Variants in DSCAM observed in about 807,000 individuals in gnomAD.
DSCAM encodes DS cell adhesion molecule.
A neutral mutation model predicts 217.7 loss-of-function variants in DSCAM; 47 were observed. That is an observed-to-expected ratio of 0.22 (90% CI 0.17 to 0.28). The LOEUF (loss-of-function observed/expected upper bound fraction) is 0.28. Ranked by LOEUF, DSCAM falls within the 10% of genes least tolerant of loss-of-function variation. The pLI is 1.00. For missense variants in DSCAM, 2,080 were observed against 2,618.3 expected, an observed-to-expected ratio of 0.79 and a Z score of 4.49; for synonymous variants, 1,056 against 1,015.3, an observed-to-expected ratio of 1.04 and a Z score of -0.76.
At chr21:40,673,951 G>A (rs144451060) in intron 3 of DSCAM, among the ~76,000 whole-genome samples, 12 of 152,164 alleles carry the variant, frequency 7.9e-5, no homozygotes, top group Admixed American at 2.0e-4. Context: ...AGCAATGTGA[G>A]AATGGACTAA....
chr21:40,559,777 ATTTTCTGTCTTTT>A (rs1456814555), intron 3 of DSCAM, among the ~76,000 whole-genome samples: 2 of 140,394 alleles, frequency 1.4e-5, no homozygotes, highest in East Asian at 2.4e-4. Context: ...TGCTTTTAAA[ATTTTCTGTCTTTT>A]TTTTTTTTTT....
chr21:40,685,480 G>A (rs933707109), intron 3 of DSCAM, among the ~76,000 whole-genome samples: 3 of 152,098 alleles, frequency 2.0e-5, no homozygotes, highest in African/African-American at 7.2e-5. Flanking sequence ...GGAAACCTTG[G>A]CCACTGAGTC....
intron 25 of DSCAM, 56 bp from the exon 26 acceptor site, chr21:40,079,033 C>T: frequency 6.4e-7 from 1 of 1,567,442 alleles, no homozygotes; most frequent in South Asian, 1.2e-5. Context: ...AGGCCATCAG[C>T]ATCTTCACGC....
At position 40,353,579 on chromosome 21, in the gene DSCAM, T is replaced by C; in HGVS notation, c.820A>G (p.Thr274Ala). 1 of 1,610,644 alleles carries C rather than the reference T, an allele frequency of 6.2e-7. No individual in the cohort carries two copies. Residue 274 changes from threonine (T) to alanine (A), a missense_variant, in exon 5 of 33, where the codon ACC becomes GCC. Physicochemically the swap from Thr to Ala is moderately conservative, Grantham distance 58. Coordinates refer to ENST00000400454, the MANE Select transcript of DSCAM (RefSeq NM_001389.5). ...PLELSGRFQK[T>A]VTGLLIENIR... ...TTCTCAATGAGCAGCCCCGTCACGGTCTTCTGGAACCTCCCTGAAAGTTCC... is the reference window on the plus strand; with the variant it reads ...TTCTCAATGAGCAGCCCCGTCACGGCCTTCTGGAACCTCCCTGAAAGTTCC...
chr21:40,057,552 C>T (rs774935539), intron 28 of DSCAM, among the ~76,000 whole-genome samples: 17 of 152,236 alleles, frequency 1.1e-4, no homozygotes, highest in Admixed American at 4.6e-4. Flanking sequence ...AGGCAGTCAG[C>T]GGCTGCTCTA....
In DSCAM at chr21:40,167,225, G is replaced by A. The variant is rs753110439; in HGVS notation, c.3011C>T (p.Thr1004Ile). The part of the protein sequence containing the change: ...EPISSQSIRV[T>I]WKAPKKHLQN... The stretch of plus-strand genomic sequence containing the variant: ...AATGTTTGCTGAGTTTACCTTCCAT[G>A]TGACCCTGATGCTCTGAGATGATAT... The change falls in exon 16 of 33, where the codon ACA becomes ATA. Residue 1004 changes from threonine to isoleucine, a missense_variant. By Grantham distance (89) the Thr-to-Ile change is moderately conservative. Around this residue, in one of 5 missense-constraint regions of DSCAM, gnomAD observed 1,144 missense variants for 1,421.1 expected, o/e 0.81. Transcript: ENST00000400454. 1 of 1,614,040 alleles carries A rather than the reference G, an allele frequency of 6.2e-7. No homozygotes were observed. Among genetic ancestry groups the A allele is most frequent in the Non-Finnish European group, 8.5e-7 (1 of 1,179,968 alleles).
rs550082071 is a variant in DSCAM, at chr21:40,364,501, G to T, written c.655+4598C>A. Among the ~76,000 whole-genome samples the T allele has an allele frequency of 1.2e-3, 169 of 146,534 alleles. 2 individuals carry two copies. Among genetic ancestry groups the T allele is most frequent in the Non-Finnish European group, 2.1e-3 (140 of 66,794 alleles). ...AATGAGAACACATGGACACAGGAAG[G>T]GGAACATCACACACCGGGGCCTGTT... On this transcript the variant is annotated intron_variant, in intron 4 of 32. Coordinates refer to ENST00000400454, the MANE Select transcript of DSCAM (RefSeq NM_001389.5).
intron 1 of DSCAM, among the ~76,000 whole-genome samples, chr21:40,716,509 A>G: frequency 6.6e-6 from 1 of 152,188 alleles, no homozygotes; most frequent in East Asian, 1.9e-4. Flanking sequence ...ACACTAAGGG[A>G]GCTAATGGGA....
At chr21:40,775,464 C>T (rs890721669) in intron 1 of DSCAM, among the ~76,000 whole-genome samples, 2 of 152,132 alleles carry the variant, frequency 1.3e-5, no homozygotes, top group Admixed American at 1.3e-4. Context: ...GAAGATTTGC[C>T]TTCCATGTTG....
rs2090329594 is a variant in DSCAM, at chr21:40,144,394, G to A, written c.3259+97C>T. 4 of 1,547,996 alleles carry A rather than the reference G, an allele frequency of 2.6e-6. No homozygotes were observed. The highest frequency in any genetic ancestry group is 2.3e-5 in the East Asian group (1 of 44,260). ...AGGCCCTGCAGGTCACTGCAAAGTCGTGGGGCGGGGGAGTGCGAGGTTGGG... is the reference window on the plus strand; with the variant it reads ...AGGCCCTGCAGGTCACTGCAAAGTCATGGGGCGGGGGAGTGCGAGGTTGGG... On this transcript the variant is annotated intron_variant, in intron 17 of 32. Coordinates refer to ENST00000400454, the MANE Select transcript of DSCAM (RefSeq NM_001389.5). The surrounding 1 kb of genome is among the most constrained non-coding windows in gnomAD (Gnocchi z 4.8).
At chr21:40,693,273 A>C (rs1016913391) in intron 2 of DSCAM, among the ~76,000 whole-genome samples, 3 of 152,050 alleles carry the variant, frequency 2.0e-5, no homozygotes, top group African/African-American at 7.2e-5. Context: ...CATCTCTACT[A>C]AAAATACAAA....
chr21:40,093,132 T>C (rs1019958814), intron 21 of DSCAM, among the ~76,000 whole-genome samples: 15 of 152,224 alleles, frequency 9.9e-5, no homozygotes, highest in African/African-American at 3.6e-4. Context: ...AAACACTGGA[T>C]GGCCGTGATT....
intron 3 of DSCAM, among the ~76,000 whole-genome samples, chr21:40,394,847 G>A (rs1399356458): frequency 6.6e-6 from 1 of 152,216 alleles, no homozygotes; most frequent in African/African-American, 2.4e-5. Context: ...TAATTGGGGA[G>A]TACTAAGAGA....
intron 28 of DSCAM, among the ~76,000 whole-genome samples, chr21:40,059,773 A>G (rs572835017): frequency 1.3e-5 from 2 of 152,200 alleles, no homozygotes; most frequent in Non-Finnish European, 2.9e-5. Flanking sequence ...TTATGGCCAC[A>G]TGGGGCCTAG....
intron 11 of DSCAM, among the ~76,000 whole-genome samples, chr21:40,204,962 C>T (rs1170516740): frequency 1.3e-5 from 2 of 152,222 alleles, no homozygotes; most frequent in Non-Finnish European, 2.9e-5. Context: ...TTCCATGTAA[C>T]TGTTGGCAGG....
chr21:40,709,664 T>A (rs2090756526), intron 1 of DSCAM, among the ~76,000 whole-genome samples: 1 of 152,228 alleles, frequency 6.6e-6, no homozygotes, highest in African/African-American at 2.4e-5. Context: ...GCAAAGGATA[T>A]GAACTCATCG....
chr21:40,330,810 T>A (rs2074370488), intron 8 of DSCAM, among the ~76,000 whole-genome samples: 1 of 152,180 alleles, frequency 6.6e-6, no homozygotes, highest in Non-Finnish European at 1.5e-5. Context: ...CATTAGGGTA[T>A]TAAATTAAAA....
At chr21:40,443,214 C>T (rs1054677152) in intron 3 of DSCAM, among the ~76,000 whole-genome samples, 8 of 152,212 alleles carry the variant, frequency 5.3e-5, no homozygotes, top group African/African-American at 1.9e-4. Context: ...AATGCTAACT[C>T]ATTCCAAAAT....
In DSCAM at chr21:40,157,780, G is replaced by A. The variant is rs561808411; in HGVS notation, c.3018+9438C>T. On this transcript the variant is annotated intron_variant, in intron 16 of 32. Transcript: ENST00000400454. ...TGCCATCTCAGCTGACTGCAGCCTCGACCTCCCAGGCTCAAGTGATTCTCC... is the reference window on the plus strand; with the variant it reads ...TGCCATCTCAGCTGACTGCAGCCTCAACCTCCCAGGCTCAAGTGATTCTCC... Among the ~76,000 whole-genome samples the A allele has an allele frequency of 6.6e-5, 10 of 150,888 alleles. No homozygotes were observed. In the South Asian group the frequency reaches 1.5e-3, roughly 22 times the overall value.
Sources: gnomAD v4.1 joint callset for allele counts (sites outside exome capture counted in the v4.1 genomes callset) on GRCh38, gnomAD v4.1.1 for gene constraint, gnomAD v4.1.1 regional missense constraint, Gnocchi (gnomAD v3.1) non-coding constraint, MANE v1.5 for transcripts, NCBI Gene and HGNC (gene_info 2026-07-23, HGNC 2026-07-21) for gene names.